FMNL2: variants seen among roughly 807,000 people sequenced by gnomAD.
FMNL2 encodes formin like 2.
Under a neutral mutation model 130.2 loss-of-function variants are expected in FMNL2, and 51 were observed. That is an observed-to-expected ratio of 0.39 (90% confidence interval 0.31 to 0.49). The LOEUF is 0.49. FMNL2 is among the 20% of genes least tolerant of loss of function. The pLI, the probability that FMNL2 is intolerant of heterozygous loss-of-function variation, is 0.85. For missense variants in FMNL2, 977 were observed against 1,316.2 expected (o/e 0.74, Z 3.99); for synonymous variants, 465 against 467.1 (o/e 1.00, Z 0.06).
intron 3 of FMNL2, among the ~76,000 whole-genome samples, chr2:152,546,312 G>C (rs1343930437): frequency 6.6e-6 from 1 of 152,144 alleles, no homozygotes; most frequent in Non-Finnish European, 1.5e-5. Context: ...TTTGCTTCTA[G>C]TGAGGGCCTC....
At chr2:152,351,132 A>T (rs149972696) in intron 1 of FMNL2, among the ~76,000 whole-genome samples, 108 of 152,276 alleles carry the variant, frequency 7.1e-4, no homozygotes, top group Non-Finnish European at 9.1e-4. Flanking sequence ...AAATACCTGA[A>T]GTTGCCCATG....
At chr2:152,428,682 TC>T (rs1304084247) in intron 1 of FMNL2, among the ~76,000 whole-genome samples, 3 of 152,196 alleles carry the variant, frequency 2.0e-5, no homozygotes, top group African/African-American at 7.2e-5. Context: ...TTGAGAAGTT[TC>T]TAGTATTTTG....
intron 1 of FMNL2, among the ~76,000 whole-genome samples, chr2:152,462,632 A>G (rs1235981467): frequency 1.3e-5 from 2 of 152,248 alleles, no homozygotes; most frequent in Non-Finnish European, 2.9e-5. Flanking sequence ...AACCACATCA[A>G]TACCTTGTGT....
chr2:152,520,527 G>A (rs988651432), intron 1 of FMNL2, among the ~76,000 whole-genome samples: 2 of 151,408 alleles, frequency 1.3e-5, no homozygotes, highest in African/African-American at 2.4e-5. Flanking sequence ...CCCAGGAAGC[G>A]GAGGTTGCAG....
intron 1 of FMNL2, among the ~76,000 whole-genome samples, chr2:152,425,761 C>G (rs761586881): frequency 3.3e-5 from 5 of 152,142 alleles, no homozygotes; most frequent in Admixed American, 6.5e-5. Context: ...GATATGAACC[C>G]TCCTTTGGTT....
intron 6 of FMNL2, among the ~76,000 whole-genome samples, chr2:152,562,605 A>G: frequency 6.6e-6 from 1 of 152,236 alleles, no homozygotes; most frequent in East Asian, 1.9e-4. Flanking sequence ...ATGGGTTTGG[A>G]ATGAATTGAT....
At chr2:152,503,459 G>A (rs763307564) in intron 1 of FMNL2, among the ~76,000 whole-genome samples, 2 of 152,170 alleles carry the variant, frequency 1.3e-5, no homozygotes, top group African/African-American at 2.4e-5. Context: ...TAGACATAGA[G>A]GGTGGGGAAT....
At chr2:152,504,178 G>A (rs1692016963) in intron 1 of FMNL2, among the ~76,000 whole-genome samples, 1 of 152,144 alleles carries the variant, frequency 6.6e-6, no homozygotes, top group Admixed American at 6.5e-5. Flanking sequence ...GCGACAGAGC[G>A]AGACTCTGGC....
chr2:152,413,110 T>C (rs1035531926), intron 1 of FMNL2, among the ~76,000 whole-genome samples: 6 of 152,154 alleles, frequency 3.9e-5, no homozygotes, highest in Non-Finnish European at 8.8e-5. Context: ...AAAGATATCA[T>C]TGGCAAGTCA....
At chr2:152,566,411 A>G (rs1166996896) in intron 6 of FMNL2, among the ~76,000 whole-genome samples, 1 of 152,158 alleles carries the variant, frequency 6.6e-6, no homozygotes, top group Non-Finnish European at 1.5e-5. Context: ...TGAGATTGCT[A>G]CTGTTATACC....
chr2:152,531,421 C>T (rs1280784691), intron 2 of FMNL2, among the ~76,000 whole-genome samples: 1 of 151,666 alleles, frequency 6.6e-6, no homozygotes, highest in Admixed American at 6.6e-5. Flanking sequence ...GAATGTGGGG[C>T]TAATTTGAAG....
At chr2:152,445,585 A>C (rs1445708173) in intron 1 of FMNL2, among the ~76,000 whole-genome samples, 2 of 152,174 alleles carry the variant, frequency 1.3e-5, no homozygotes, top group Admixed American at 1.3e-4. Flanking sequence ...GCTCTAGACC[A>C]GTGGTTTCGA....
intron 1 of FMNL2, among the ~76,000 whole-genome samples, chr2:152,490,569 A>ATATG: frequency 9.2e-6 from 1 of 108,566 alleles, no homozygotes; most frequent in African/African-American, 3.4e-5. Context: ...TTGCTATCCA[A>ATATG]TGTGTGTGTG....
chr2:152,386,995 T>C (rs1180361277), intron 1 of FMNL2, among the ~76,000 whole-genome samples: 1 of 149,400 alleles, frequency 6.7e-6, no homozygotes, highest in Non-Finnish European at 1.5e-5. Context: ...CCAAGACGCT[T>C]GAGGAATGAT....
intron 1 of FMNL2, among the ~76,000 whole-genome samples, chr2:152,419,680 G>C (rs186602735): frequency 6.6e-6 from 1 of 152,092 alleles, no homozygotes; most frequent in Non-Finnish European, 1.5e-5. Flanking sequence ...CTGAAGAAAA[G>C]CATTTGAACC....
chr2:152,628,259 T>C, intron 17 of FMNL2, 40 bp from the exon 18 acceptor site: 1 of 1,574,058 alleles, frequency 6.4e-7, no homozygotes, highest in Non-Finnish European at 8.7e-7. Context: ...GGGTAGGAGG[T>C]TTTTCTCTCT....
At chr2:152,574,407 GC>G in intron 6 of FMNL2, among the ~76,000 whole-genome samples, 1 of 141,354 alleles carries the variant, frequency 7.1e-6, no homozygotes. Flanking sequence ...CTGCACGCCA[GC>G]CTGGTGACAG....
At chr2:152,447,718 C>T (rs1403705539) in intron 1 of FMNL2, among the ~76,000 whole-genome samples, 1 of 152,152 alleles carries the variant, frequency 6.6e-6, no homozygotes, top group African/African-American at 2.4e-5. Flanking sequence ...CTGCTAATAA[C>T]TTCCTTACTG....
Position 152,417,834 on chromosome 2 carries a change from T to C in FMNL2, c.117+82114T>C, listed in dbSNP as rs1273833397. On this transcript the variant is annotated intron_variant, in intron 1 of 25. Transcript: ENST00000288670. ...GTGAGTAAATGCATTATTTTTATTA[T>C]TATTATTTTTTCTTTTGAGACAGAG... 2.0e-5 allele frequency among the ~76,000 whole-genome samples: 3 copies of C among 152,068 alleles called. No individual in the cohort carries two copies. In the East Asian group the frequency reaches 5.8e-4, roughly 29 times the overall value.
Sources: allele counts gnomAD v4.1 joint callset (sites outside exome capture counted in the v4.1 genomes callset), GRCh38; gene constraint gnomAD v4.1.1; transcripts MANE v1.5; gene names NCBI Gene and HGNC (gene_info 2026-07-23, HGNC 2026-07-21).